SDCCAG8: variants seen among roughly 807,000 people sequenced by gnomAD.
SDCCAG8 encodes the protein serologically defined colon cancer antigen 8.
In SDCCAG8, 74 loss-of-function variants were observed where a neutral mutation model predicts 101.8. The ratio of observed to expected loss-of-function variants is 0.73; its 90% CI spans 0.60 to 0.88. SDCCAG8 has a LOEUF of 0.88. Among genes scored for constraint, SDCCAG8 ranks in the 40% least tolerant of loss-of-function variants. SDCCAG8 has a pLI of 0.00. For missense variants in SDCCAG8, 787 were observed against 822.6 expected, an observed-to-expected ratio of 0.96 and a Z score of 0.53; for synonymous variants, 281 against 292.9, an observed-to-expected ratio of 0.96 and a Z score of 0.41.
chr1:243,354,450 T>TTACTTACA (rs2076274688), intron 12 of SDCCAG8, among the ~76,000 whole-genome samples: 2 of 152,342 alleles, frequency 1.3e-5, no homozygotes, highest in Admixed American at 6.5e-5. Context: ...TGTAAAGAGT[T>TTACTTACA]AAGTTTACTT....
chr1:243,451,129 T>C (rs1438508232), intron 16 of SDCCAG8, among the ~76,000 whole-genome samples: 1 of 152,256 alleles, frequency 6.6e-6, no homozygotes, highest in Non-Finnish European at 1.5e-5. Flanking sequence ...GGATATGTAC[T>C]GCAAATGTCA....
chr1:243,367,399 G>T (rs1295022731), intron 12 of SDCCAG8, among the ~76,000 whole-genome samples: 1 of 151,804 alleles, frequency 6.6e-6, no homozygotes, highest in South Asian at 2.1e-4. Context: ...CTTTTGAAGT[G>T]CTTTCAGAAG....
chr1:243,368,917 A>T (rs934469865), intron 12 of SDCCAG8, among the ~76,000 whole-genome samples: 2 of 152,148 alleles, frequency 1.3e-5, no homozygotes, highest in Non-Finnish European at 2.9e-5. Context: ...ATTATTTGTG[A>T]AGCCAGTGAA....
chr1:243,490,005 G>A (rs1240199157), intron 17 of SDCCAG8, among the ~76,000 whole-genome samples: 1 of 152,326 alleles, frequency 6.6e-6, no homozygotes, highest in Middle Eastern at 3.4e-3. Flanking sequence ...GCTGACCAAG[G>A]CCTCCGCCTT....
intron 13 of SDCCAG8, among the ~76,000 whole-genome samples, chr1:243,405,687 G>A (rs1011476834): frequency 2.0e-5 from 3 of 151,946 alleles, no homozygotes; most frequent in Non-Finnish European, 4.4e-5. Flanking sequence ...TGTAAATGGC[G>A]AGAATTCTGT....
At chr1:243,392,665 A>G (rs539102260) in intron 13 of SDCCAG8, among the ~76,000 whole-genome samples, 2 of 152,332 alleles carry the variant, frequency 1.3e-5, no homozygotes, top group South Asian at 2.1e-4. Flanking sequence ...CCTACACTCA[A>G]ACTGATTTGC....
chr1:243,465,832 C>T (rs932649155), intron 16 of SDCCAG8, among the ~76,000 whole-genome samples: 10 of 152,104 alleles, frequency 6.6e-5, no homozygotes, highest in African/African-American at 1.2e-4. Flanking sequence ...ATAATCTCAT[C>T]GGCCTTTTCA....
Position 243,489,154 on chromosome 1 carries a change from C to G in SDCCAG8, c.2112+14C>G, listed in dbSNP as rs1259606600. On this transcript the variant is annotated intron_variant, in intron 17 of 17. Transcript: ENST00000366541. ...CTGCGGACCCAGGTACTGTGCAGAA[C>G]GCGGCGCAGGTGGGAGTCCTTGGGC... 6.2e-7 allele frequency: 1 copy of G among 1,611,138 alleles called. No homozygotes were observed. The highest frequency in any genetic ancestry group is 8.5e-7 in the Non-Finnish European group (1 of 1,179,496).
chr1:243,432,445 G>A (rs1013212761), intron 16 of SDCCAG8, among the ~76,000 whole-genome samples: 1 of 152,090 alleles, frequency 6.6e-6, no homozygotes, highest in Non-Finnish European at 1.5e-5. Context: ...CTTAATACTA[G>A]GGTGACAGTT....
intron 17 of SDCCAG8, among the ~76,000 whole-genome samples, chr1:243,498,180 TCACCTGGCCTGGAGGG>T (rs1240342986): frequency 6.6e-6 from 1 of 152,178 alleles, no homozygotes; most frequent in Non-Finnish European, 1.5e-5. Context: ...GTCAGTTCGA[TCACCTGGCCTGGAGGG>T]CACGTCAGCT....
chr1:243,459,514 G>C (rs569550607), intron 16 of SDCCAG8, among the ~76,000 whole-genome samples: 3 of 151,988 alleles, frequency 2.0e-5, no homozygotes, highest in Non-Finnish European at 2.9e-5. Flanking sequence ...CTTGGGGGGT[G>C]GGGGGTGGAA....
At chr1:243,307,520 G>A (rs2072272104) in intron 7 of SDCCAG8, 2 of 984,036 alleles carry the variant, frequency 2.0e-6, no homozygotes, top group African/African-American at 3.5e-5. Context: ...GTTTTTTTAT[G>A]TGAACTTTTA....
chr1:243,304,151 C>A (rs2071842569), intron 6 of SDCCAG8, among the ~76,000 whole-genome samples: 1 of 152,104 alleles, frequency 6.6e-6, no homozygotes, highest in Non-Finnish European at 1.5e-5. Flanking sequence ...TAAGGGTCAA[C>A]TGTAATTGAA....
chr1:243,488,449 GACT>G, intron 16 of SDCCAG8: 4 of 162,712 alleles, frequency 2.5e-5, no homozygotes, highest in South Asian at 1.7e-4. Flanking sequence ...GTAGGAAGCC[GACT>G]GTGGACAGAT....
intron 13 of SDCCAG8, among the ~76,000 whole-genome samples, chr1:243,410,788 A>G (rs932936090): frequency 3.3e-5 from 5 of 152,232 alleles, no homozygotes; most frequent in African/African-American, 1.2e-4. Context: ...ACGATATGAA[A>G]AAGTTGAGTA....
At chr1:243,323,796 C>T (rs539534779) in intron 9 of SDCCAG8, among the ~76,000 whole-genome samples, 1 of 152,290 alleles carries the variant, frequency 6.6e-6, no homozygotes, top group South Asian at 2.1e-4. Context: ...CATCTCAATC[C>T]TCATTGGACT....
At chr1:243,495,864 G>C (rs1167288639) in intron 17 of SDCCAG8, among the ~76,000 whole-genome samples, 1 of 152,170 alleles carries the variant, frequency 6.6e-6, no homozygotes, top group East Asian at 1.9e-4. Flanking sequence ...CAAACTGGCT[G>C]CCCCTCATCT....
intron 9 of SDCCAG8, among the ~76,000 whole-genome samples, chr1:243,330,071 G>A (rs1412343608): frequency 6.6e-6 from 1 of 152,174 alleles, no homozygotes; most frequent in Non-Finnish European, 1.5e-5. Flanking sequence ...AAAGATGCCT[G>A]TGTGTAATGA....
At chr1:243,492,703 G>A (rs556775696) in intron 17 of SDCCAG8, among the ~76,000 whole-genome samples, 1 of 141,480 alleles carries the variant, frequency 7.1e-6, no homozygotes, top group Non-Finnish European at 1.5e-5. Context: ...TGCCTCCTGG[G>A]TTCAAGCAAT....
Sources: gnomAD v4.1 joint callset for allele counts (sites outside exome capture counted in the v4.1 genomes callset) on GRCh38, gnomAD v4.1.1 for gene constraint, MANE v1.5 for transcripts, NCBI Gene and HGNC (gene_info 2026-07-23, HGNC 2026-07-21) for gene names.